NKAIN2: variants seen among roughly 807,000 people sequenced by gnomAD.
NKAIN2 encodes the protein sodium/potassium transporting ATPase interacting 2, also known as sodium/potassium-transporting ATPase subunit beta-1-interacting protein 2.
Under a neutral mutation model 32.6 loss-of-function variants are expected in NKAIN2, and 14 were observed. The ratio of observed to expected loss-of-function variants is 0.43; its 90% CI spans 0.28 to 0.67. NKAIN2 has a LOEUF of 0.67. Ranked by LOEUF, NKAIN2 falls within the 30% of genes least tolerant of loss-of-function variation. NKAIN2 has a pLI of 0.17. For synonymous variants in NKAIN2, 80 were observed against 87.2 expected (o/e 0.92, Z 0.46); for missense variants, 198 against 258.3 (o/e 0.77, Z 1.60).
chr6:124,745,655 G>A (rs929587089), intron 4 of NKAIN2, among the ~76,000 whole-genome samples: 5 of 151,768 alleles, frequency 3.3e-5, no homozygotes, highest in African/African-American at 9.7e-5. Context: ...TAGAATAATT[G>A]TAGAGACTTA....
chr6:124,410,599 G>A (rs1430382925), intron 3 of NKAIN2, among the ~76,000 whole-genome samples: 2 of 152,318 alleles, frequency 1.3e-5, no homozygotes, highest in African/African-American at 4.8e-5. Context: ...ATTTGCTGAG[G>A]AGAGCTTTAC....
chr6:124,166,746 T>C (rs1477913885), intron 1 of NKAIN2, among the ~76,000 whole-genome samples: 3 of 151,446 alleles, frequency 2.0e-5, no homozygotes, highest in Non-Finnish European at 4.4e-5. Context: ...GGCTAGCCAG[T>C]TTTCCCAGCA....
chr6:124,125,087 G>T (rs1328589023), intron 1 of NKAIN2, among the ~76,000 whole-genome samples: 1 of 152,148 alleles, frequency 6.6e-6, no homozygotes, highest in Non-Finnish European at 1.5e-5. Context: ...CTGCTGGGTT[G>T]CCAAGTCTAA....
At chr6:123,847,542 A>G (rs1288573923) in intron 1 of NKAIN2, among the ~76,000 whole-genome samples, 1 of 152,132 alleles carries the variant, frequency 6.6e-6, no homozygotes, top group Admixed American at 6.5e-5. Context: ...ACTGCTTATT[A>G]TTATGAACTT....
At chr6:123,829,554 G>A (rs751818989) in intron 1 of NKAIN2, among the ~76,000 whole-genome samples, 2 of 152,144 alleles carry the variant, frequency 1.3e-5, no homozygotes, top group Non-Finnish European at 2.9e-5. Flanking sequence ...TAAGGCTTGT[G>A]GACTTTTGCT....
chr6:124,436,643 T>G (rs1021431236), intron 3 of NKAIN2, among the ~76,000 whole-genome samples: 1 of 152,236 alleles, frequency 6.6e-6, no homozygotes, highest in South Asian at 2.1e-4. Flanking sequence ...CAAATCCCCT[T>G]GCCTCTGTCC....
chr6:123,918,391 A>G (rs1193395001), intron 1 of NKAIN2, among the ~76,000 whole-genome samples: 1 of 152,246 alleles, frequency 6.6e-6, no homozygotes, highest in Non-Finnish European at 1.5e-5. Flanking sequence ...TATCCAGTTT[A>G]GCATAAAATG....
At chr6:124,749,126 A>G (rs993019670) in intron 4 of NKAIN2, among the ~76,000 whole-genome samples, 7 of 151,842 alleles carry the variant, frequency 4.6e-5, no homozygotes, top group African/African-American at 1.7e-4. Flanking sequence ...TTTCCTTGCT[A>G]TCAACTGAGG....
intron 1 of NKAIN2, among the ~76,000 whole-genome samples, chr6:124,010,869 G>A (rs548090996): frequency 5.6e-4 from 85 of 152,164 alleles, no homozygotes; most frequent in Middle Eastern, 3.4e-3. Context: ...AAGGACTGGG[G>A]TTTTGTTTTC....
intron 1 of NKAIN2, among the ~76,000 whole-genome samples, chr6:123,890,156 A>T (rs12211640): frequency 0.29 from 43,351 of 151,970 alleles, 7,627 homozygotes; most frequent in East Asian, 0.49. Context: ...GTAAAAAGAC[A>T]TCCACTGGTG....
chr6:123,988,830 T>G (rs1355053063), intron 1 of NKAIN2, among the ~76,000 whole-genome samples: 1 of 151,996 alleles, frequency 6.6e-6, no homozygotes, highest in African/African-American at 2.4e-5. Context: ...TTTAGTAGTT[T>G]GTAGTAAAAC....
rs536887000 is a variant in NKAIN2 at position 123,995,353 on chromosome 6, C to T, written c.54+191099C>T. On this transcript the variant is annotated intron_variant, in intron 1 of 6. Coordinates refer to ENST00000368417, the MANE Select transcript of NKAIN2 (RefSeq NM_001040214.3). ...CCTGGCCTTTACAGACAGATGGAAT[C>T]CCTTTTTCATGGTTGAACCATGAGA... is the stretch of plus-strand genomic sequence containing the variant. Among the ~76,000 whole-genome samples, 75 of 152,240 alleles carry T rather than the reference C, an allele frequency of 4.9e-4. No individual in the cohort carries two copies. The South Asian group carries it at 5.4e-3, about 11-fold the overall frequency.
At chr6:124,536,990 A>G (rs1199979872) in intron 3 of NKAIN2, among the ~76,000 whole-genome samples, 2 of 152,146 alleles carry the variant, frequency 1.3e-5, no homozygotes, top group East Asian at 3.9e-4. Context: ...AACATGGATA[A>G]CCCAACCCAA....
intron 1 of NKAIN2, among the ~76,000 whole-genome samples, chr6:123,819,329 C>T (rs1035892167): frequency 5.9e-5 from 9 of 151,922 alleles, no homozygotes; most frequent in East Asian, 3.9e-4. Flanking sequence ...TAGGTGGGCC[C>T]GATTGCAATT....
intron 1 of NKAIN2, among the ~76,000 whole-genome samples, chr6:124,143,456 C>T (rs1233109915): frequency 6.6e-6 from 1 of 151,826 alleles, no homozygotes; most frequent in Admixed American, 6.6e-5. Context: ...TGAGAGAGAC[C>T]TTGTCTCTAA....
chr6:124,742,492 C>T (rs1777261818), intron 4 of NKAIN2, among the ~76,000 whole-genome samples: 1 of 151,960 alleles, frequency 6.6e-6, no homozygotes, highest in Admixed American at 6.6e-5. Context: ...ATTCTCAGGA[C>T]TCAGACTGAA....
rs181773932 is a variant in NKAIN2 at position 124,684,834 on chromosome 6, C to A, written c.474+26448C>A. 2.0e-3 allele frequency among the ~76,000 whole-genome samples: 311 copies of A among 152,248 alleles called. 1 individual carries two copies. Among genetic ancestry groups the A allele is most frequent in the African/African-American group, 7.2e-3 (299 of 41,554 alleles). ...AACAATAGCAAACCACCCTAACCCC[C>A]AAATACCTAACATCCAGCCCCAGGC... On this transcript the variant is annotated intron_variant, in intron 4 of 6. Coordinates refer to ENST00000368417, the MANE Select transcript of NKAIN2 (RefSeq NM_001040214.3).
intron 1 of NKAIN2, among the ~76,000 whole-genome samples, chr6:124,208,886 C>T (rs908578429): frequency 6.0e-4 from 91 of 151,378 alleles, no homozygotes; most frequent in Non-Finnish European, 5.5e-4. Context: ...TATTTTGATG[C>T]AGGTATAGAA....
chr6:124,126,174 C>G lies in NKAIN2; in HGVS notation c.55-156831C>G, dbSNP rs184736295. 1.8e-4 allele frequency among the ~76,000 whole-genome samples: 27 copies of G among 152,196 alleles called. No individual in the cohort carries two copies. The Middle Eastern group carries it at 0.01, about 58-fold the overall frequency. ...TCTCAATTTCAAATTGCCTAATTTC[C>G]ACCCACAATACTGTCTGTCTATCTT... On this transcript the variant is annotated intron_variant, in intron 1 of 6. Coordinates refer to ENST00000368417, the MANE Select transcript of NKAIN2 (RefSeq NM_001040214.3).
Sources: allele counts gnomAD v4.1 joint callset (sites outside exome capture counted in the v4.1 genomes callset), GRCh38; gene constraint gnomAD v4.1.1; transcripts MANE v1.5; gene names NCBI Gene and HGNC (gene_info 2026-07-23, HGNC 2026-07-21).